CERS6: variants seen among roughly 807,000 people sequenced by gnomAD.
CERS6 encodes ceramide synthase 6, also known as LAG1 homolog, ceramide synthase 6.
A neutral mutation model predicts 56.8 loss-of-function variants in CERS6; 26 were observed. The ratio of observed to expected loss-of-function variants is 0.46; its 90% CI spans 0.34 to 0.63. The LOEUF (loss-of-function observed/expected upper bound fraction) is 0.63, where lower values mean the gene tolerates loss of function less well. CERS6 is among the 30% of genes least tolerant of loss of function. CERS6 has a pLI of 0.01. For missense variants in CERS6, 415 were observed against 467.5 expected (o/e 0.89, Z 1.04); for synonymous variants, 164 against 173.3 (o/e 0.95, Z 0.42).
At chr2:168,479,092 T>C (rs1429942640) in intron 1 of CERS6, among the ~76,000 whole-genome samples, 1 of 152,218 alleles carries the variant, frequency 6.6e-6, no homozygotes, top group Non-Finnish European at 1.5e-5. Flanking sequence ...TTTTTTTCTC[T>C]GATTTGAAGT....
At chr2:168,487,750 C>T (rs1694300578) in intron 1 of CERS6, among the ~76,000 whole-genome samples, 2 of 152,160 alleles carry the variant, frequency 1.3e-5, no homozygotes, top group Non-Finnish European at 2.9e-5. Flanking sequence ...GAGACAGGAT[C>T]TCATTCTGTC....
rs926404699 is a variant in CERS6, at chr2:168,737,212, T to A, written c.845+19234T>A. Among the ~76,000 whole-genome samples, 3 of 152,202 alleles carry A rather than the reference T, an allele frequency of 2.0e-5. No individual in the cohort carries two copies. In the East Asian group the frequency reaches 5.8e-4, roughly 29 times the overall value. The stretch of plus-strand genomic sequence containing the variant: ...GAGCTGTACTCACTACAGTTGTGTC[T>A]GTAATACATAAGAGGGTCTCAGGAA... On this transcript the variant is annotated intron_variant, in intron 8 of 9. Transcript: ENST00000305747.
intron 2 of CERS6, among the ~76,000 whole-genome samples, chr2:168,552,358 ACAC>A (rs1486034870): frequency 1.7e-5 from 2 of 117,096 alleles, no homozygotes; most frequent in Admixed American, 9.4e-5. Context: ...ATACACACAC[ACAC>A]ACACACACAC....
intron 4 of CERS6, among the ~76,000 whole-genome samples, chr2:168,651,208 A>G (rs1223990909): frequency 6.6e-6 from 1 of 152,178 alleles, no homozygotes; most frequent in African/African-American, 2.4e-5. Context: ...TGGCATAGCA[A>G]TCTTAGCTCC....
intron 8 of CERS6, among the ~76,000 whole-genome samples, chr2:168,741,895 A>G (rs1683919858): frequency 6.6e-6 from 1 of 152,202 alleles, no homozygotes; most frequent in Admixed American, 6.5e-5. Context: ...TGCAGGTGGC[A>G]TCTGAAAACA....
chr2:168,521,635 T>C (rs1199102709), intron 1 of CERS6, among the ~76,000 whole-genome samples: 1 of 152,184 alleles, frequency 6.6e-6, no homozygotes, highest in African/African-American at 2.4e-5. Context: ...CTTGGGTTCT[T>C]CTCACTGAGT....
chr2:168,465,834 C>A (rs6716373), intron 1 of CERS6, among the ~76,000 whole-genome samples: 149,760 of 152,240 alleles, frequency 0.98, 73,702 homozygotes, highest in East Asian at 1. Context: ...GTGCACTTAA[C>A]AATGGTTATG....
chr2:168,667,467 C>T (rs1471463850), intron 4 of CERS6, among the ~76,000 whole-genome samples: 2 of 152,234 alleles, frequency 1.3e-5, no homozygotes, highest in Non-Finnish European at 2.9e-5. Flanking sequence ...ATCAATTCTG[C>T]ACTCGATATG....
chr2:168,612,557 G>T (rs559691369), intron 3 of CERS6, among the ~76,000 whole-genome samples: 2 of 152,336 alleles, frequency 1.3e-5, no homozygotes, highest in East Asian at 3.9e-4. Flanking sequence ...CCCTAAAGAG[G>T]TTATCCCAGG....
chr2:168,674,255 T>C (rs1197979673), intron 4 of CERS6, among the ~76,000 whole-genome samples: 3 of 152,198 alleles, frequency 2.0e-5, no homozygotes, highest in African/African-American at 7.2e-5. Flanking sequence ...AGTTAGACCT[T>C]AACTCAACAT....
In CERS6 at chr2:168,765,576, T is replaced by A. The variant is rs1329297153; in HGVS notation, c.846-16T>A. 1 of 1,609,944 alleles carries A rather than the reference T, an allele frequency of 6.2e-7. No individual in the cohort carries two copies. The highest frequency in any genetic ancestry group is 8.5e-7 in the Non-Finnish European group (1 of 1,178,444). ...GAAAATGCCACATTCACTAATCACC[T>A]CCTTCTTTTCCTTAGGGTGTTAAAT... On this transcript the variant is annotated splice_polypyrimidine_tract_variant and intron_variant, in intron 8 of 9. Coordinates refer to ENST00000305747, the MANE Select transcript of CERS6 (RefSeq NM_203463.3).
At chr2:168,645,771 A>G (rs1255472054) in intron 4 of CERS6, among the ~76,000 whole-genome samples, 1 of 152,174 alleles carries the variant, frequency 6.6e-6, no homozygotes, top group Non-Finnish European at 1.5e-5. Flanking sequence ...GCTTCCACCT[A>G]TAAGTGAGAA....
chr2:168,611,707 C>A (rs1270140700), intron 3 of CERS6, among the ~76,000 whole-genome samples: 3 of 152,132 alleles, frequency 2.0e-5, no homozygotes. Flanking sequence ...TAGTTAGTAG[C>A]AATCTCAAGT....
intron 3 of CERS6, among the ~76,000 whole-genome samples, chr2:168,582,136 T>C (rs926492599): frequency 2.0e-5 from 3 of 152,224 alleles, no homozygotes; most frequent in South Asian, 2.1e-4. Context: ...TTTCCCAGAA[T>C]TGGGGGTAGA....
intron 8 of CERS6, among the ~76,000 whole-genome samples, chr2:168,746,796 T>TATATATATATAG (rs1684113325): frequency 9.5e-6 from 1 of 104,914 alleles, no homozygotes; most frequent in Non-Finnish European, 1.9e-5. Flanking sequence ...TATATATATA[T>TATATATATATAG]ATATATATAT....
chr2:168,522,156 G>C (rs1303304108), intron 1 of CERS6, among the ~76,000 whole-genome samples: 1 of 152,022 alleles, frequency 6.6e-6, no homozygotes, highest in African/African-American at 2.4e-5. Context: ...TTATAGCATT[G>C]GTCTTGAATA....
chr2:168,591,559 A>G (rs1271454489), intron 3 of CERS6, among the ~76,000 whole-genome samples: 1 of 152,240 alleles, frequency 6.6e-6, no homozygotes, highest in East Asian at 1.9e-4. Context: ...TCAAGTCAAC[A>G]TTATTTATTC....
chr2:168,716,658 T>C (rs563016385), intron 7 of CERS6, among the ~76,000 whole-genome samples: 5 of 152,260 alleles, frequency 3.3e-5, no homozygotes, highest in African/African-American at 1.2e-4. Flanking sequence ...TTAAAGCTTA[T>C]TTACTGAATA....
At chr2:168,668,073 C>T (rs761839172) in intron 4 of CERS6, among the ~76,000 whole-genome samples, 7 of 152,108 alleles carry the variant, frequency 4.6e-5, no homozygotes, top group Non-Finnish European at 8.8e-5. Context: ...ATAAGGAGCC[C>T]GGGCTTTATT....
Sources: gnomAD v4.1 joint callset for allele counts (sites outside exome capture counted in the v4.1 genomes callset) on GRCh38, gnomAD v4.1.1 for gene constraint, MANE v1.5 for transcripts, NCBI Gene and HGNC (gene_info 2026-07-23, HGNC 2026-07-21) for gene names.